The following NMU variants were observed in gnomAD, a reference collection of about 807,000 sequenced individuals.
The protein encoded by NMU is neuromedin U.
A neutral mutation model predicts 35.4 loss-of-function variants in NMU; 29 were observed. The ratio of observed to expected loss-of-function variants is 0.82; its 90% confidence interval spans 0.61 to 1.12. The LOEUF (loss-of-function observed/expected upper bound fraction) is 1.12. Among genes scored for constraint, NMU ranks in the 50% most tolerant of loss-of-function variants. NMU has a pLI of 0.00. For synonymous variants in NMU, 78 were observed against 81.3 expected (o/e 0.96, Z 0.22); for missense variants, 199 against 206.2 (o/e 0.97, Z 0.21).
At chr4:55,602,349 C>G (rs13123248) in intron 7 of NMU, among the ~76,000 whole-genome samples, 6 of 152,200 alleles carry the variant, frequency 3.9e-5, no homozygotes, top group African/African-American at 1.4e-4. Flanking sequence ...AGCGAACACT[C>G]TCCTGCAATT....
At chr4:55,601,675 T>A (rs527674239) in intron 7 of NMU, among the ~76,000 whole-genome samples, 1 of 152,164 alleles carries the variant, frequency 6.6e-6, no homozygotes, top group Non-Finnish European at 1.5e-5. Context: ...ATAAACCATA[T>A]GTTTATATAC....
At chr4:55,595,637 A>AT (rs1251580152) in intron 9 of NMU, among the ~76,000 whole-genome samples, 2 of 108,492 alleles carry the variant, frequency 1.8e-5, no homozygotes, top group South Asian at 2.8e-4. Context: ...ATATATATAT[A>AT]TATATATTTT....
intron 4 of NMU, among the ~76,000 whole-genome samples, chr4:55,608,174 C>CAAA (rs3035745): frequency 0.021 from 2,345 of 109,518 alleles, 71 homozygotes; most frequent in East Asian, 0.083. Context: ...GACTCCATCT[C>CAAA]AAAAAAAAAA....
chr4:55,634,790 G>A (rs1715807950), intron 1 of NMU, among the ~76,000 whole-genome samples: 1 of 152,128 alleles, frequency 6.6e-6, no homozygotes, highest in Admixed American at 6.5e-5. Context: ...CTGGCTATGT[G>A]GAGAAGGTTT....
At chr4:55,627,145 A>C (rs1734563546) in intron 2 of NMU, among the ~76,000 whole-genome samples, 1 of 152,190 alleles carries the variant, frequency 6.6e-6, no homozygotes, top group South Asian at 2.1e-4. Context: ...TGGGATGGCA[A>C]ATGCCAAAGG....
intron 3 of NMU, among the ~76,000 whole-genome samples, chr4:55,615,975 C>G (rs1021791834): frequency 5.9e-5 from 9 of 152,072 alleles, no homozygotes; most frequent in Admixed American, 1.3e-4. Flanking sequence ...TCTTGAACTC[C>G]CAGCCTCAAG....
rs767568542 is a variant in NMU, at chr4:55,604,679, A to ATTTTTTTTTTTTTTTTTTTTTTTTT, written c.435+571_435+595dup. ...AGGCATGCGCCAATATGCCTGGCTAATTTTTTTTTTTTTTTTTTTTTTTTT... is the reference window on the plus strand; with the variant it reads ...AGGCATGCGCCAATATGCCTGGCTAATTTTTTTTTTTTTTTTTTTTTTTTTTTTTTTTTTTTTTTTTTTTTTTTTT... On this transcript the variant is annotated intron_variant, in intron 7 of 9. Coordinates refer to ENST00000264218, the MANE Select transcript of NMU (RefSeq NM_006681.4). Among the ~76,000 whole-genome samples, 10 of 47,614 alleles carry ATTTTTTTTTTTTTTTTTTTTTTTTT rather than the reference A, an allele frequency of 2.1e-4. 1 individual carries two copies. The highest frequency in any genetic ancestry group is 4.7e-4 in the African/African-American group (4 of 8,584). 31.2% of individuals were successfully genotyped at this position (47,614 alleles called of 152,430 possible). A position where few individuals can be genotyped will look rare whatever the true frequency, so the allele number is the denominator to read the frequency against.
chr4:55,609,215 T>C (rs765991754), intron 3 of NMU, 36 bp from the exon 4 acceptor site: 1 of 1,519,500 alleles, frequency 6.6e-7, no homozygotes, highest in African/African-American at 1.4e-5. Flanking sequence ...GTTATGCTTC[T>C]GCTTTAACGA....
chr4:55,611,369 G>GA (rs1232359989), intron 3 of NMU, among the ~76,000 whole-genome samples: 3 of 151,814 alleles, frequency 2.0e-5, no homozygotes, highest in Admixed American at 1.3e-4. Flanking sequence ...TCTTGAAAAA[G>GA]AAAAAATTAA....
intron 7 of NMU, among the ~76,000 whole-genome samples, chr4:55,602,118 C>T (rs1342721697): frequency 2.6e-5 from 4 of 152,034 alleles, no homozygotes; most frequent in Non-Finnish European, 5.9e-5. Context: ...AAATGCTAAA[C>T]CCAAACATAC....
chr4:55,619,915 C>CAT (rs1560523303), intron 2 of NMU, among the ~76,000 whole-genome samples: 1 of 129,132 alleles, frequency 7.7e-6, no homozygotes, highest in Non-Finnish European at 1.7e-5. Flanking sequence ...ACTGACACCT[C>CAT]ACAAGGCAGG....
chr4:55,617,116 T>A (rs1381552491), intron 2 of NMU, among the ~76,000 whole-genome samples: 1 of 152,184 alleles, frequency 6.6e-6, no homozygotes, highest in Non-Finnish European at 1.5e-5. Flanking sequence ...AAAATGGTAC[T>A]GATTCTTGTC....
At chr4:55,619,873 C>T (rs1734311147) in intron 2 of NMU, among the ~76,000 whole-genome samples, 1 of 130,068 alleles carries the variant, frequency 7.7e-6, no homozygotes, top group East Asian at 2.4e-4. Flanking sequence ...CCCCGAGCAG[C>T]CTAACTGGGA....
intron 2 of NMU, among the ~76,000 whole-genome samples, chr4:55,628,832 C>T (rs962825767): frequency 6.6e-6 from 1 of 151,684 alleles, no homozygotes; most frequent in Non-Finnish European, 1.5e-5. Context: ...TTAATTTTCC[C>T]TGTTCTTTTT....
At chr4:55,617,526 A>G (rs201759371) in intron 2 of NMU, among the ~76,000 whole-genome samples, 1 of 151,490 alleles carries the variant, frequency 6.6e-6, no homozygotes, top group Non-Finnish European at 1.5e-5. Context: ...CACACACACA[A>G]ACACACACAC....
intron 1 of NMU, among the ~76,000 whole-genome samples, chr4:55,630,802 T>C (rs1250093773): frequency 6.6e-6 from 1 of 152,058 alleles, no homozygotes; most frequent in Non-Finnish European, 1.5e-5. Context: ...AACACCAACA[T>C]CATTTTTTAC....
At chr4:55,600,609 T>C (rs200206899) in intron 7 of NMU, 34 bp from the exon 8 acceptor site, 1 of 1,494,286 alleles carries the variant, frequency 6.7e-7, no homozygotes, top group African/African-American at 1.4e-5. Context: ...ACAAATCACA[T>C]AACACTAAAA....
chr4:55,596,671 C>T (rs1560509719), intron 9 of NMU, among the ~76,000 whole-genome samples: 1 of 152,096 alleles, frequency 6.6e-6, no homozygotes. Flanking sequence ...ATACCAAACA[C>T]AGTCTGCAAA....
At chr4:55,596,557 G>A (rs1189630423) in intron 9 of NMU, among the ~76,000 whole-genome samples, 1 of 151,648 alleles carries the variant, frequency 6.6e-6, no homozygotes, top group Non-Finnish European at 1.5e-5. Context: ...TTTTCCATTA[G>A]CTCTCTGTTC....
Sources: gnomAD v4.1 joint callset for allele counts (sites outside exome capture counted in the v4.1 genomes callset) on GRCh38, gnomAD v4.1.1 for gene constraint, MANE v1.5 for transcripts, NCBI Gene and HGNC (gene_info 2026-07-23, HGNC 2026-07-21) for gene names.